Variants in BTAF1 observed in about 807,000 individuals in gnomAD.
BTAF1 encodes TATA-binding protein-associated factor 172.
Under a neutral mutation model 227.1 loss-of-function variants are expected in BTAF1, and 38 were observed. The observed-to-expected ratio is 0.17, with a 90% confidence interval of 0.13 to 0.22. The LOEUF (loss-of-function observed/expected upper bound fraction) is 0.22, where lower values mean the gene tolerates loss of function less well. Among genes scored for constraint, BTAF1 ranks in the 10% least tolerant of loss-of-function variants. The probability of loss-of-function intolerance (pLI) is 1.00; values close to 1 mark genes in which losing one functional copy is unlikely to be tolerated. For missense variants in BTAF1, 1,598 were observed against 2,204.0 expected, an observed-to-expected ratio of 0.73 and a Z score of 5.51; for synonymous variants, 742 against 751.9, an observed-to-expected ratio of 0.99 and a Z score of 0.21.
intron 2 of BTAF1, among the ~76,000 whole-genome samples, chr10:91,939,230 C>G (rs1415223890): frequency 6.6e-6 from 1 of 151,998 alleles, no homozygotes; most frequent in Non-Finnish European, 1.5e-5. Flanking sequence ...GCATGGTTTT[C>G]TTAATTTCAT....
intron 1 of BTAF1, among the ~76,000 whole-genome samples, chr10:91,933,943 T>A (rs539992970): frequency 6.6e-6 from 1 of 152,234 alleles, no homozygotes; most frequent in African/African-American, 2.4e-5. Flanking sequence ...AAGACAAAAG[T>A]AGGTCAAGAA....
chr10:92,015,097 G>A (rs1309991087), intron 32 of BTAF1, among the ~76,000 whole-genome samples: 1 of 152,114 alleles, frequency 6.6e-6, no homozygotes, highest in Non-Finnish European at 1.5e-5. Flanking sequence ...CATTCCCTTT[G>A]AAGTATTATT....
intron 12 of BTAF1, among the ~76,000 whole-genome samples, chr10:91,963,803 T>G (rs1197576229): frequency 6.6e-6 from 1 of 152,212 alleles, no homozygotes; most frequent in African/African-American, 2.4e-5. Context: ...CATAAAATAG[T>G]TGTGGCTCTT....
At chr10:91,941,654 T>G (rs1037077325) in intron 3 of BTAF1, among the ~76,000 whole-genome samples, 1 of 152,206 alleles carries the variant, frequency 6.6e-6, no homozygotes, top group Non-Finnish European at 1.5e-5. Flanking sequence ...GGAGGGATGA[T>G]TCTTATTAGC....
Position 91,990,661 on chromosome 10 carries a change from G to A in BTAF1, c.2854+1081G>A, listed in dbSNP as rs532601152. On this transcript the variant is annotated intron_variant, in intron 20 of 37. Coordinates refer to ENST00000265990, the MANE Select transcript of BTAF1 (RefSeq NM_003972.3). ...AATATATAATTAGCTGGGCATGGTG[G>A]TGCATGCCTGTATCCCAGCTACTCG... Among the ~76,000 whole-genome samples, 6 of 152,202 alleles carry A rather than the reference G, an allele frequency of 3.9e-5. No homozygotes were observed. In the East Asian group the frequency reaches 9.7e-4, roughly 25 times the overall value.
intron 2 of BTAF1, among the ~76,000 whole-genome samples, chr10:91,938,949 T>C (rs1329495007): frequency 7.0e-6 from 1 of 142,494 alleles, no homozygotes; most frequent in Admixed American, 7.1e-5. Context: ...TGCATATACA[T>C]TTTAGGATCA....
chr10:92,011,962 A>G (rs1243764328), intron 30 of BTAF1, among the ~76,000 whole-genome samples: 1 of 151,826 alleles, frequency 6.6e-6, no homozygotes, highest in Non-Finnish European at 1.5e-5. Flanking sequence ...CTTTGGTGGG[A>G]AGACCTTGAA....
At position 91,980,560 on chromosome 10, in the gene BTAF1, T is replaced by G; in HGVS notation, c.1755+2T>G. On this transcript the variant is annotated splice_donor_variant, in intron 15 of 37. Coordinates refer to ENST00000265990, the MANE Select transcript of BTAF1 (RefSeq NM_003972.3). LOFTEE classifies it high-confidence loss of function. ...GAAATTCTGGACCTTATTCACAAGG[T>G]ACACAGCAAATGTATTTGTGTTCCT... 6.3e-7 allele frequency: 1 copy of G among 1,599,476 alleles called. No individual in the cohort carries two copies. The highest frequency in any genetic ancestry group is 8.6e-7 in the Non-Finnish European group (1 of 1,167,428).
chr10:91,942,540 C>T lies in BTAF1; in HGVS notation c.372C>T (p.Ala124=), dbSNP rs757396923. Residue 124 remains alanine (A), a synonymous_variant, in exon 4 of 38, where the codon GCC becomes GCT. Transcript: ENST00000265990. ...CATCACTCCTGGGATCTGCTGGTGC[C>T]GAATTTGAAGTCCAAGATGAAAAAT... The part of the protein sequence containing the change: ...HGASLLGSAG[A]EFEVQDEKSG... The T allele has an allele frequency of 1.1e-5, 17 of 1,613,644 alleles. No individual in the cohort carries two copies. Among genetic ancestry groups the T allele is most frequent in the Middle Eastern group, 1.6e-4 (1 of 6,082 alleles).
Position 91,978,011 on chromosome 10 carries a change from C to T in BTAF1, c.1651-2443C>T, listed in dbSNP as rs544728027. 1.2e-4 allele frequency among the ~76,000 whole-genome samples: 19 copies of T among 152,278 alleles called. No individual in the cohort carries two copies. The East Asian group carries it at 3.1e-3, about 25-fold the overall frequency. On this transcript the variant is annotated intron_variant, in intron 14 of 37. Coordinates refer to ENST00000265990, the MANE Select transcript of BTAF1 (RefSeq NM_003972.3). ...GTTACAATCAGCGAACCTGCATTGA[C>T]ACATTATTATCAACCAAAGTCCATA...
intron 14 of BTAF1, among the ~76,000 whole-genome samples, chr10:91,973,280 C>G (rs1165494367): frequency 6.6e-6 from 1 of 152,190 alleles, no homozygotes; most frequent in Non-Finnish European, 1.5e-5. Flanking sequence ...AATTTATGAC[C>G]TTTGTCAGAT....
At position 91,928,873 on chromosome 10, in the gene BTAF1, C is replaced by T. The variant is rs949966819; in HGVS notation, c.14+4783C>T. Among the ~76,000 whole-genome samples the T allele has an allele frequency of 3.3e-5, 5 of 150,866 alleles. No individual in the cohort carries two copies. The Admixed American group carries it at 3.3e-4, about 10-fold the overall frequency. Reference sequence around the variant, plus strand: ...GCAGAGTCTCACTCTGTCCTCCAAGCTGGAAAGCTGGAGTGCAGTGGCACA... The same window carrying T: ...GCAGAGTCTCACTCTGTCCTCCAAGTTGGAAAGCTGGAGTGCAGTGGCACA... On this transcript the variant is annotated intron_variant, in intron 1 of 37. Coordinates refer to ENST00000265990, the MANE Select transcript of BTAF1 (RefSeq NM_003972.3).
rs183856540 is a variant in BTAF1, at chr10:91,930,812, T to C, written c.15-4845T>C. On this transcript the variant is annotated intron_variant, in intron 1 of 37. Coordinates refer to ENST00000265990, the MANE Select transcript of BTAF1 (RefSeq NM_003972.3). ...CTATATTTAAAATTTTACTGTACTTTTGCCACGTGTAAAAAATGTATAACT... is the reference window on the plus strand; with the variant it reads ...CTATATTTAAAATTTTACTGTACTTCTGCCACGTGTAAAAAATGTATAACT... Among the ~76,000 whole-genome samples, 42 of 152,362 alleles carry C rather than the reference T, an allele frequency of 2.8e-4. No individual in the cohort carries two copies. The East Asian group carries it at 3.5e-3, about 13-fold the overall frequency.
rs1845607968 is a variant in BTAF1 at position 91,949,584 on chromosome 10, T to C, written c.401-1819T>C. Reference sequence around the variant, plus strand: ...ACTCAAAATTTCAAACTCATTCTTCTTTGCTCTGGACAATAGCTCAAATCT... The same window carrying C: ...ACTCAAAATTTCAAACTCATTCTTCCTTGCTCTGGACAATAGCTCAAATCT... On this transcript the variant is annotated intron_variant, in intron 4 of 37. Coordinates refer to ENST00000265990, the MANE Select transcript of BTAF1 (RefSeq NM_003972.3). 1.3e-5 allele frequency among the ~76,000 whole-genome samples: 2 copies of C among 152,210 alleles called. 1 individual carries two copies. Among genetic ancestry groups the C allele is most frequent in the South Asian group, 4.1e-4 (2 of 4,828 alleles).
chr10:91,984,075 G>C (rs1848240323), intron 18 of BTAF1, 126 bp from the exon 19 acceptor site: 1 of 792,250 alleles, frequency 1.3e-6, no homozygotes, highest in South Asian at 2.0e-5. Context: ...GTTGTTTGGA[G>C]AAGTAACAGA....
chr10:92,005,981 C>T (rs938715697), intron 25 of BTAF1, among the ~76,000 whole-genome samples: 7 of 152,144 alleles, frequency 4.6e-5, no homozygotes, highest in Non-Finnish European at 1.0e-4. Flanking sequence ...TCAAGCGATC[C>T]TCCTGCCTTA....
Position 92,011,094 on chromosome 10 carries a change from G to A in BTAF1, c.4125G>A (p.Arg1375=). ...ERIRLQHQVK[R]HNLIVASYDV... ...AAAGGTTACAGCACCAAGTAAAAAG[G>A]CACAATCTAATAGTGGCTTCATATG... Residue 1375 remains arginine, a synonymous_variant, in exon 29 of 38, where the codon AGG becomes AGA. Transcript: ENST00000265990. 1.2e-6 allele frequency: 2 copies of A among 1,606,762 alleles called. No individual in the cohort carries two copies. The highest frequency in any genetic ancestry group is 1.1e-5 in the South Asian group (1 of 88,908).
At chr10:91,925,907 A>G (rs1047907703) in intron 1 of BTAF1, among the ~76,000 whole-genome samples, 14 of 152,164 alleles carry the variant, frequency 9.2e-5, no homozygotes, top group Non-Finnish European at 2.1e-4. Flanking sequence ...GTTGTGTTTC[A>G]AAGAGTAGCA....
chr10:91,947,575 AC>A (rs1352207374), intron 4 of BTAF1, among the ~76,000 whole-genome samples: 1 of 152,160 alleles, frequency 6.6e-6, no homozygotes, highest in Non-Finnish European at 1.5e-5. Context: ...GTCTATTCTT[AC>A]GCGAGTACCA....
Sources: allele counts gnomAD v4.1 joint callset (sites outside exome capture counted in the v4.1 genomes callset), GRCh38; gene constraint gnomAD v4.1.1; transcripts MANE v1.5; gene names NCBI Gene and HGNC (gene_info 2026-07-23, HGNC 2026-07-21).